VAT1L: variants seen among roughly 807,000 people sequenced by gnomAD.
VAT1L encodes vesicle amine transport 1 like.
VAT1L carries 34 observed loss-of-function variants against 44.1 expected under a neutral mutation model. The ratio of observed to expected loss-of-function variants is 0.77; its 90% CI spans 0.59 to 1.03. The LOEUF is 1.03. Ranked by LOEUF, VAT1L falls within the 50% of genes least tolerant of loss-of-function variation. The pLI is 0.00. For missense variants in VAT1L, 615 were observed against 538.8 expected (o/e 1.14, Z -1.40); for synonymous variants, 253 against 202.2 (o/e 1.25, Z -2.13).
chr16:77,864,442 AC>A (rs138605249), intron 4 of VAT1L, among the ~76,000 whole-genome samples: 9,638 of 152,076 alleles, frequency 0.063, 459 homozygotes, highest in African/African-American at 0.13. Flanking sequence ...GTGCCCCCCC[AC>A]AAAAATACAA....
At chr16:77,829,336 A>G (rs910837474) in intron 3 of VAT1L, among the ~76,000 whole-genome samples, 1 of 152,230 alleles carries the variant, frequency 6.6e-6, no homozygotes, top group Non-Finnish European at 1.5e-5. Context: ...AAATAGGGTT[A>G]TGTAAAGTGT....
intron 7 of VAT1L, among the ~76,000 whole-genome samples, chr16:77,890,340 T>C (rs2017251364): frequency 6.6e-6 from 1 of 152,000 alleles, no homozygotes; most frequent in African/African-American, 2.4e-5. Context: ...GTAAGATTTG[T>C]TTGGTCAATG....
intron 3 of VAT1L, among the ~76,000 whole-genome samples, chr16:77,858,507 G>C (rs1006399200): frequency 6.6e-6 from 1 of 152,204 alleles, no homozygotes; most frequent in Non-Finnish European, 1.5e-5. Context: ...TAGGCACTTT[G>C]ATGCATTATA....
intron 7 of VAT1L, among the ~76,000 whole-genome samples, chr16:77,937,320 A>G (rs890223708): frequency 9.2e-5 from 14 of 152,344 alleles, no homozygotes; most frequent in African/African-American, 2.6e-4. Flanking sequence ...AGAGACCTTC[A>G]GGATCCAGAG....
intron 3 of VAT1L, among the ~76,000 whole-genome samples, chr16:77,826,206 CAAAA>C (rs11298500): frequency 0.2 from 25,213 of 128,234 alleles, 2,293 homozygotes; most frequent in Admixed American, 0.24. Flanking sequence ...GACTCCGTCT[CAAAA>C]AAAAAAAAAA....
intron 4 of VAT1L, among the ~76,000 whole-genome samples, chr16:77,874,859 A>AG (rs2017071556): frequency 6.6e-6 from 1 of 150,784 alleles, no homozygotes; most frequent in Non-Finnish European, 1.5e-5. Context: ...AAAAAAAAAA[A>AG]AAAAGCCAGT....
At chr16:77,842,886 TGTATTTTTCCCC>T (rs2016720762) in intron 3 of VAT1L, among the ~76,000 whole-genome samples, 1 of 152,174 alleles carries the variant, frequency 6.6e-6, no homozygotes, top group East Asian at 1.9e-4. Context: ...AACAAGGAAA[TGTATTTTTCCCC>T]GTTCCATTTT....
intron 1 of VAT1L, among the ~76,000 whole-genome samples, chr16:77,790,620 C>G (rs1244289788): frequency 6.6e-6 from 1 of 152,134 alleles, no homozygotes; most frequent in African/African-American, 2.4e-5. Context: ...TATACACACA[C>G]CTATGCATAT....
chr16:77,855,418 T>G (rs759702263), intron 3 of VAT1L, among the ~76,000 whole-genome samples: 2 of 151,730 alleles, frequency 1.3e-5, no homozygotes, highest in East Asian at 1.9e-4. Context: ...TTTGAGAAAC[T>G]TGACCACAGG....
At chr16:77,799,723 C>T (rs765690664) in intron 1 of VAT1L, among the ~76,000 whole-genome samples, 3 of 152,156 alleles carry the variant, frequency 2.0e-5, no homozygotes, top group Non-Finnish European at 4.4e-5. Context: ...CGGAGGGGAA[C>T]TGGAGAAGTC....
intron 2 of VAT1L, among the ~76,000 whole-genome samples, 173 bp from the exon 3 acceptor site, chr16:77,825,073 G>A (rs1208168014): frequency 6.6e-6 from 1 of 151,916 alleles, no homozygotes; most frequent in Admixed American, 6.5e-5. Context: ...TACCATGTCA[G>A]CCAGGCTGGT....
At chr16:77,962,680 C>T (rs1428680527) in intron 7 of VAT1L, among the ~76,000 whole-genome samples, 1 of 148,380 alleles carries the variant, frequency 6.7e-6, no homozygotes, top group Non-Finnish European at 1.5e-5. Flanking sequence ...TCCAGGAGTT[C>T]AAGACCAGCC....
chr16:77,852,670 C>T (rs2016819115), intron 3 of VAT1L, among the ~76,000 whole-genome samples: 1 of 152,128 alleles, frequency 6.6e-6, no homozygotes, highest in Admixed American at 6.5e-5. Flanking sequence ...GTGTAAAGTA[C>T]CCAGCATAGT....
intron 8 of VAT1L, among the ~76,000 whole-genome samples, chr16:77,975,356 C>T (rs1439859398): frequency 1.3e-5 from 2 of 151,730 alleles, no homozygotes; most frequent in Non-Finnish European, 2.9e-5. Context: ...ATTAGAGGTG[C>T]TCACCACACC....
At chr16:77,791,698 G>A (rs1417490368) in intron 1 of VAT1L, among the ~76,000 whole-genome samples, 1 of 152,034 alleles carries the variant, frequency 6.6e-6, no homozygotes, top group South Asian at 2.1e-4. Context: ...TTTCTCCACC[G>A]AAGATGGTTC....
At chr16:77,807,409 G>T (rs1264940311) in intron 1 of VAT1L, among the ~76,000 whole-genome samples, 1 of 152,154 alleles carries the variant, frequency 6.6e-6, no homozygotes, top group African/African-American at 2.4e-5. Flanking sequence ...GTTGATGCAG[G>T]GGTGCAAAGG....
rs142139699 is a variant in VAT1L at position 77,903,985 on chromosome 16, C to T, written c.1077+19183C>T. Among the ~76,000 whole-genome samples, 12 of 152,138 alleles carry T rather than the reference C, an allele frequency of 7.9e-5. No individual in the cohort carries two copies. The East Asian group carries it at 2.3e-3, about 29-fold the overall frequency. On this transcript the variant is annotated intron_variant, in intron 7 of 8. Coordinates refer to ENST00000302536, the MANE Select transcript of VAT1L (RefSeq NM_020927.3). ...TCTCATGACCTTGTGATCCGCTCGC[C>T]TCAGCCTCCCAAAGTTCTGAGATTA...
intron 3 of VAT1L, among the ~76,000 whole-genome samples, chr16:77,842,582 G>A (rs1185848960): frequency 1.3e-5 from 2 of 152,208 alleles, no homozygotes; most frequent in African/African-American, 4.8e-5. Context: ...AAAAGCCCAG[G>A]AGAACATGAT....
At chr16:77,819,297 G>T (rs547449258) in intron 2 of VAT1L, among the ~76,000 whole-genome samples, 1 of 152,118 alleles carries the variant, frequency 6.6e-6, no homozygotes, top group Non-Finnish European at 1.5e-5. Context: ...TTGGGTTTTC[G>T]TGATTCTGTG....
Sources: gnomAD v4.1 joint callset for allele counts (sites outside exome capture counted in the v4.1 genomes callset) on GRCh38, gnomAD v4.1.1 for gene constraint, MANE v1.5 for transcripts, NCBI Gene and HGNC (gene_info 2026-07-23, HGNC 2026-07-21) for gene names.